The following MAP3K5 variants were observed in gnomAD, a reference collection of about 807,000 sequenced individuals.
MAP3K5 encodes ASK-1.
Under a neutral mutation model 158.7 loss-of-function variants are expected in MAP3K5, and 56 were observed. The observed-to-expected ratio is 0.35, with a 90% CI of 0.28 to 0.44. The LOEUF is 0.44. Among genes scored for constraint, MAP3K5 ranks in the 20% least tolerant of loss-of-function variants. The pLI, the probability that MAP3K5 is intolerant of heterozygous loss-of-function variation, is 1.00. For missense variants in MAP3K5, 1,294 were observed against 1,674.8 expected (o/e 0.77, Z 3.97); for synonymous variants, 579 against 601.7 (o/e 0.96, Z 0.55).
At position 136,570,296 on chromosome 6, in the gene MAP3K5, C is replaced by T. The variant is rs117067379; in HGVS notation, c.3518-2422G>A. ...GTATTTTCCTCTAAATCTCTGGCTG[C>T]TATTTCTCTTCTTCAGAGCCTTTTT... On this transcript the variant is annotated intron_variant, in intron 25 of 29. Coordinates refer to ENST00000359015, the MANE Select transcript of MAP3K5 (RefSeq NM_005923.4). Among the ~76,000 whole-genome samples, 45 of 152,298 alleles carry T rather than the reference C, an allele frequency of 3.0e-4. 1 individual carries two copies. The East Asian group carries it at 8.3e-3, about 28-fold the overall frequency.
intron 15 of MAP3K5, among the ~76,000 whole-genome samples, chr6:136,615,913 AAGT>A (rs985829008): frequency 1.6e-4 from 25 of 152,294 alleles, no homozygotes; most frequent in African/African-American, 5.8e-4. Context: ...TTTTTAGAGT[AAGT>A]GCTTTAGCTA....
chr6:136,680,836 G>C (rs1716401827), intron 7 of MAP3K5, among the ~76,000 whole-genome samples: 1 of 152,120 alleles, frequency 6.6e-6, no homozygotes, highest in African/African-American at 2.4e-5. Flanking sequence ...CCCATATTCT[G>C]AGAAGGCTGG....
intron 1 of MAP3K5, among the ~76,000 whole-genome samples, chr6:136,744,346 T>C (rs536368047): frequency 6.6e-6 from 1 of 151,854 alleles, no homozygotes; most frequent in African/African-American, 2.4e-5. Flanking sequence ...CACATATATA[T>C]GTATATATAC....
At chr6:136,708,780 T>C (rs886372166) in intron 2 of MAP3K5, among the ~76,000 whole-genome samples, 2 of 152,174 alleles carry the variant, frequency 1.3e-5, no homozygotes, top group African/African-American at 2.4e-5. Flanking sequence ...CTGAAAAATG[T>C]TGGATAATCA....
At chr6:136,761,179 C>T (rs111507065) in intron 1 of MAP3K5, among the ~76,000 whole-genome samples, 1 of 151,432 alleles carries the variant, frequency 6.6e-6, no homozygotes, top group African/African-American at 2.4e-5. Context: ...TATGCCACCT[C>T]GCTTATGGGA....
At chr6:136,699,375 C>A (rs76535646) in intron 3 of MAP3K5, among the ~76,000 whole-genome samples, 1,757 of 152,306 alleles carry the variant, frequency 0.012, 33 homozygotes, top group African/African-American at 0.041. Flanking sequence ...CCACTCTTGT[C>A]CTCTAATTTA....
At chr6:136,571,689 T>C (rs1562514129) in intron 25 of MAP3K5, among the ~76,000 whole-genome samples, 1 of 152,264 alleles carries the variant, frequency 6.6e-6, no homozygotes, top group Non-Finnish European at 1.5e-5. Context: ...CTCTTGGCAA[T>C]TGTAACTAGT....
intron 4 of MAP3K5, among the ~76,000 whole-genome samples, chr6:136,697,965 G>A (rs1216519152): frequency 1.3e-5 from 2 of 152,136 alleles, no homozygotes; most frequent in African/African-American, 4.8e-5. Context: ...GGCTGGTCTC[G>A]AACTCCTGAT....
intron 8 of MAP3K5, among the ~76,000 whole-genome samples, 153 bp from the exon 9 acceptor site, chr6:136,659,531 G>T (rs1778913108): frequency 6.6e-6 from 1 of 152,304 alleles, no homozygotes; most frequent in East Asian, 1.9e-4. Flanking sequence ...TCAGTTCACT[G>T]TAAAAATAAG....
At chr6:136,592,073 T>G in intron 23 of MAP3K5, 100 bp downstream of exon 23, 1 of 1,098,198 alleles carries the variant, frequency 9.1e-7, no homozygotes, top group Admixed American at 2.5e-5. Context: ...TCACTACAGG[T>G]TCCTCTTGCC....
chr6:136,665,018 C>T (rs1779166334), intron 8 of MAP3K5, among the ~76,000 whole-genome samples: 1 of 152,158 alleles, frequency 6.6e-6, no homozygotes, highest in Non-Finnish European at 1.5e-5. Flanking sequence ...ACATGTCTCG[C>T]CACCCTATTA....
intron 11 of MAP3K5, among the ~76,000 whole-genome samples, chr6:136,643,406 C>A (rs371933688): frequency 2.6e-5 from 4 of 152,080 alleles, no homozygotes; most frequent in Non-Finnish European, 4.4e-5. Flanking sequence ...AAGTACAGTA[C>A]GGCAATAAAC....
intron 1 of MAP3K5, among the ~76,000 whole-genome samples, chr6:136,762,335 C>T (rs982878854): frequency 2.6e-5 from 4 of 152,158 alleles, no homozygotes; most frequent in Non-Finnish European, 5.9e-5. Flanking sequence ...GTTTTGTTCA[C>T]CAAGTAGAGG....
intron 23 of MAP3K5, among the ~76,000 whole-genome samples, chr6:136,585,869 G>A (rs1183278781): frequency 6.6e-6 from 1 of 152,100 alleles, no homozygotes; most frequent in Admixed American, 6.5e-5. Context: ...TTAACTTTAA[G>A]AAAATATAAG....
At chr6:136,584,759 G>T (rs1219506609) in intron 23 of MAP3K5, among the ~76,000 whole-genome samples, 1 of 152,178 alleles carries the variant, frequency 6.6e-6, no homozygotes, top group African/African-American at 2.4e-5. Context: ...CCAAGCCAGA[G>T]AAAAGATGTG....
intron 2 of MAP3K5, among the ~76,000 whole-genome samples, chr6:136,714,718 T>C (rs563668619): frequency 9.8e-5 from 15 of 152,286 alleles, no homozygotes; most frequent in Middle Eastern, 3.4e-3. Context: ...TGGGTATATA[T>C]CCAGAAGTGG....
chr6:136,560,465 T>C (rs981785364), intron 28 of MAP3K5, among the ~76,000 whole-genome samples: 1 of 151,668 alleles, frequency 6.6e-6, no homozygotes, highest in Non-Finnish European at 1.5e-5. Context: ...GGCGACAGAG[T>C]GAGATTGTGT....
chr6:136,572,185 GATTAA>G (rs1247253903), intron 25 of MAP3K5, among the ~76,000 whole-genome samples: 3 of 152,118 alleles, frequency 2.0e-5, no homozygotes, highest in Admixed American at 2.0e-4. Context: ...TGTGATTCTA[GATTAA>G]ATTAGAGGAC....
chr6:136,605,273 A>G lies in MAP3K5; in HGVS notation c.2615T>C (p.Ile872Thr). 6.2e-7 allele frequency: 1 copy of G among 1,614,112 alleles called. No homozygotes were observed. Among genetic ancestry groups the G allele is most frequent in the Non-Finnish European group, 8.5e-7 (1 of 1,179,980 alleles). ...TGGGGGTTTTCCTGTGGCCATTTCA[A>G]TGATTGTACAGCCCAGAGACCAGAT... Reference protein sequence around the residue: ...ADIWSLGCTIIEMATGKPPFY... With the variant: ...ADIWSLGCTITEMATGKPPFY... The change falls in exon 19 of 30, where the codon ATT (isoleucine) becomes ACT (threonine). Residue 872 changes from isoleucine (I) to threonine (T), a missense_variant. Coordinates refer to ENST00000359015, the MANE Select transcript of MAP3K5 (RefSeq NM_005923.4).
Sources: gnomAD v4.1 joint callset for allele counts (sites outside exome capture counted in the v4.1 genomes callset) on GRCh38, gnomAD v4.1.1 for gene constraint, MANE v1.5 for transcripts, NCBI Gene and HGNC (gene_info 2026-07-23, HGNC 2026-07-21) for gene names.